The following ANXA3 variants were observed in gnomAD, a reference collection of about 807,000 sequenced individuals.
The protein encoded by ANXA3 is annexin A3.
ANXA3 carries 46 observed loss-of-function variants against 48.8 expected under a neutral mutation model. The ratio of observed to expected loss-of-function variants is 0.94; its 90% confidence interval spans 0.74 to 1.21. The LOEUF (loss-of-function observed/expected upper bound fraction) is 1.21. Among genes scored for constraint, ANXA3 ranks in the 50% most tolerant of loss-of-function variants. ANXA3 has a pLI of 0.00. For synonymous variants in ANXA3, 128 were observed against 134.7 expected (o/e 0.95, Z 0.35); for missense variants, 383 against 378.6 (o/e 1.01, Z -0.10).
chr4:78,592,748 T>C (rs1395762073), intron 7 of ANXA3, among the ~76,000 whole-genome samples: 2 of 152,172 alleles, frequency 1.3e-5, no homozygotes, highest in Non-Finnish European at 2.9e-5. Flanking sequence ...TAGGGTGTTA[T>C]GAAGATTAAG....
In ANXA3 at chr4:78,573,271, A is replaced by G; in HGVS notation, c.103+4A>G. ...CAGAAAGCAATCAGAGGAATTGGTG[A>G]GTGATATTTTACAATTCCTTTCTTA... On this transcript the variant is annotated splice_donor_region_variant and intron_variant, in intron 3 of 12. Coordinates refer to ENST00000264908, the MANE Select transcript of ANXA3 (RefSeq NM_005139.3). 6.2e-7 allele frequency: 1 copy of G among 1,603,500 alleles called. No individual in the cohort carries two copies. Among genetic ancestry groups the G allele is most frequent in the Non-Finnish European group, 8.5e-7 (1 of 1,170,946 alleles).
At chr4:78,608,399 A>T (rs1436716864) in intron 12 of ANXA3, among the ~76,000 whole-genome samples, 1 of 152,146 alleles carries the variant, frequency 6.6e-6, no homozygotes, top group East Asian at 1.9e-4. Flanking sequence ...AAAAATGAGG[A>T]TGTGGGGGCC....
chr4:78,595,683 AT>A, intron 8 of ANXA3, 110 bp from the exon 9 acceptor site: 1 of 778,238 alleles, frequency 1.3e-6, no homozygotes, highest in Non-Finnish European at 2.1e-6. Flanking sequence ...AAAGTGAGAG[AT>A]TTAGATAATA....
intron 2 of ANXA3, among the ~76,000 whole-genome samples, chr4:78,568,375 ACATTGAACAGAGAGC>A (rs1211086955): frequency 2.0e-5 from 3 of 152,174 alleles, no homozygotes; most frequent in Non-Finnish European, 4.4e-5. Flanking sequence ...TAGCATCTTG[ACATTGAACAGAGAGC>A]CATCGTTTCT....
chr4:78,578,298 C>CGAGA (rs1220106430), intron 3 of ANXA3, among the ~76,000 whole-genome samples: 3,314 of 46,466 alleles, frequency 0.071, 172 homozygotes, highest in Admixed American at 0.13. Context: ...AGAGAGAGAG[C>CGAGA]GAGAGAGAGA....
chr4:78,598,766 C>G (rs937973010), intron 10 of ANXA3, among the ~76,000 whole-genome samples: 10 of 152,096 alleles, frequency 6.6e-5, no homozygotes, highest in Non-Finnish European at 1.5e-4. Context: ...TCTCAAATTC[C>G]TGACCTCAAG....
At chr4:78,586,761 T>C (rs1235719911) in intron 6 of ANXA3, among the ~76,000 whole-genome samples, 1 of 152,238 alleles carries the variant, frequency 6.6e-6, no homozygotes, top group Non-Finnish European at 1.5e-5. Context: ...AGCATAAGGA[T>C]TCAATAGAAG....
chr4:78,579,822 G>A (rs1265167210), intron 4 of ANXA3, among the ~76,000 whole-genome samples: 1 of 152,164 alleles, frequency 6.6e-6, no homozygotes, highest in Non-Finnish European at 1.5e-5. Context: ...TCAGCTACTC[G>A]GGAGGCTGAG....
chr4:78,558,087 A>G (rs369682823), intron 2 of ANXA3, among the ~76,000 whole-genome samples: 1 of 152,250 alleles, frequency 6.6e-6, no homozygotes, highest in Non-Finnish European at 1.5e-5. Flanking sequence ...GTCACATGCT[A>G]CTATGTGGGT....
chr4:78,564,379 A>G (rs1329040257), intron 2 of ANXA3, among the ~76,000 whole-genome samples: 1 of 152,194 alleles, frequency 6.6e-6, no homozygotes, highest in Admixed American at 6.5e-5. Flanking sequence ...GAAGCAACTC[A>G]TCGGGCAGCC....
intron 5 of ANXA3, among the ~76,000 whole-genome samples, chr4:78,585,729 T>C (rs1252287048): frequency 1.3e-5 from 2 of 152,204 alleles, no homozygotes; most frequent in Non-Finnish European, 2.9e-5. Context: ...ATGACTTTTC[T>C]TGGAGTCACA....
chr4:78,577,705 GGGTCACC>G (rs1722982815), intron 3 of ANXA3, among the ~76,000 whole-genome samples: 1 of 147,936 alleles, frequency 6.8e-6, no homozygotes, highest in South Asian at 2.2e-4. Flanking sequence ...AGGTCTGTGA[GGGTCACC>G]TTGACACAAA....
intron 12 of ANXA3, 27 bp from the exon 13 acceptor site, chr4:78,610,029 G>A (rs775165174): frequency 6.4e-7 from 1 of 1,554,218 alleles, no homozygotes; most frequent in South Asian, 1.1e-5. Context: ...TACTGTATTT[G>A]TTCTTCATTG....
chr4:78,591,570 A>G lies in ANXA3; in HGVS notation c.430A>G (p.Ile144Val), dbSNP rs1219833045. The stretch of plus-strand genomic sequence containing the variant: ...ATACAAGAAGAGTCTTGGAGATGAC[A>G]TTAGTTCCGAAACATCTGGTGACTT... ...TVYKKSLGDD[I>V]SSETSGDFRK... The change falls in exon 7 of 13, where the codon ATT (isoleucine) becomes GTT (valine). Residue 144 changes from isoleucine (I) to valine (V), a missense_variant. By Grantham distance (29) the Ile-to-Val change is conservative (BLOSUM62 3). Transcript: ENST00000264908. 6.2e-7 allele frequency: 1 copy of G among 1,613,538 alleles called. No individual in the cohort carries two copies. Among genetic ancestry groups the G allele is most frequent in the Non-Finnish European group, 8.5e-7 (1 of 1,179,630 alleles).
chr4:78,584,875 G>A (rs1248367812), intron 5 of ANXA3, among the ~76,000 whole-genome samples: 1 of 152,354 alleles, frequency 6.6e-6, no homozygotes, highest in East Asian at 1.9e-4. Context: ...CCTATGAGAG[G>A]AGAGAGGAGA....
rs1723025669 is a variant in ANXA3 at position 78,579,195 on chromosome 4, C to G, written c.198+74C>G. ...ATGGTCGCTCCCACATGGTTATGCC[C>G]ACAGTCTTCTGTTTCAGGCTGAGTG... On this transcript the variant is annotated intron_variant, in intron 4 of 12. Coordinates refer to ENST00000264908, the MANE Select transcript of ANXA3 (RefSeq NM_005139.3). 3.1e-6 allele frequency: 3 copies of G among 979,540 alleles called. No homozygotes were observed. In the East Asian group the frequency reaches 7.7e-5, roughly 25 times the overall value. The allele number at this position is 979,540 out of a possible 1,614,324, so 60.7% of individuals were successfully genotyped here. A position where few individuals can be genotyped will look rare whatever the true frequency, so the allele number is the denominator to read the frequency against.
intron 6 of ANXA3, among the ~76,000 whole-genome samples, chr4:78,587,094 G>A (rs1217171457): frequency 4.6e-5 from 7 of 152,232 alleles, no homozygotes; most frequent in Non-Finnish European, 1.0e-4. Context: ...ATCAAATGTG[G>A]AGACTGCATA....
chr4:78,599,734 T>C (rs1480902633), intron 10 of ANXA3, among the ~76,000 whole-genome samples: 1 of 152,080 alleles, frequency 6.6e-6, no homozygotes, highest in African/African-American at 2.4e-5. Flanking sequence ...CCATTTTATA[T>C]TGTTAATCTA....
chr4:78,577,187 G>A (rs376372073), intron 3 of ANXA3, among the ~76,000 whole-genome samples: 23 of 152,236 alleles, frequency 1.5e-4, no homozygotes, highest in African/African-American at 5.1e-4. Flanking sequence ...AGGTGATTTA[G>A]GTTATCCAGG....
Sources: gnomAD v4.1 joint callset for allele counts (sites outside exome capture counted in the v4.1 genomes callset) on GRCh38, gnomAD v4.1.1 for gene constraint, MANE v1.5 for transcripts, NCBI Gene and HGNC (gene_info 2026-07-23, HGNC 2026-07-21) for gene names.